TRIM71: variants seen among roughly 807,000 people sequenced by gnomAD.
TRIM71 encodes tripartite motif containing 71.
Under a neutral mutation model 61.2 loss-of-function variants are expected in TRIM71, and 9 were observed. The ratio of observed to expected loss-of-function variants is 0.15; its 90% CI spans 0.09 to 0.26. The LOEUF (loss-of-function observed/expected upper bound fraction) is 0.26. Ranked by LOEUF, TRIM71 falls within the 10% of genes least tolerant of loss-of-function variation. The probability of loss-of-function intolerance (pLI) is 1.00; values close to 1 mark genes in which losing one functional copy is unlikely to be tolerated. For synonymous variants in TRIM71, 645 were observed against 553.2 expected (o/e 1.17, Z -2.33); for missense variants, 998 against 1,238.7 (o/e 0.81, Z 2.92).
At chr3:32,852,758 T>TAA (rs1283517739) in intron 1 of TRIM71, among the ~76,000 whole-genome samples, 3 of 81,900 alleles carry the variant, frequency 3.7e-5, no homozygotes, top group East Asian at 8.7e-4. Context: ...ATACTGTCTT[T>TAA]TAAAAAAAAA....
chr3:32,831,752 G>A (rs529579312), intron 1 of TRIM71, among the ~76,000 whole-genome samples: 3 of 152,142 alleles, frequency 2.0e-5, no homozygotes, highest in African/African-American at 7.2e-5. Context: ...GGCCAGGCTG[G>A]TCTTGAACTC....
chr3:32,835,690 T>C (rs1235765300), intron 1 of TRIM71, among the ~76,000 whole-genome samples: 1 of 152,218 alleles, frequency 6.6e-6, no homozygotes, highest in Non-Finnish European at 1.5e-5. Flanking sequence ...GCTGGATGAA[T>C]AGAAAACTGA....
intron 1 of TRIM71, among the ~76,000 whole-genome samples, chr3:32,859,365 T>C (rs1696640501): frequency 6.6e-6 from 1 of 152,150 alleles, no homozygotes. Flanking sequence ...GTTCAAACGA[T>C]TCTCCTGCCT....
intron 1 of TRIM71, among the ~76,000 whole-genome samples, chr3:32,870,289 T>C (rs896033669): frequency 4.6e-5 from 7 of 152,130 alleles, no homozygotes; most frequent in Non-Finnish European, 8.8e-5. Flanking sequence ...CTTTTAAAAA[T>C]TCATTGTTTA....
chr3:32,847,693 G>A (rs1335870820), intron 1 of TRIM71, among the ~76,000 whole-genome samples: 1 of 152,212 alleles, frequency 6.6e-6, no homozygotes, highest in East Asian at 1.9e-4. Context: ...TCAGTTAAAT[G>A]CAGGCCTTTC....
At chr3:32,888,131 GAATT>G (rs1479734932) in intron 3 of TRIM71, among the ~76,000 whole-genome samples, 2 of 152,076 alleles carry the variant, frequency 1.3e-5, no homozygotes, top group African/African-American at 4.8e-5. Flanking sequence ...CCTCAAGCAG[GAATT>G]ATTTTGGCAG....
At chr3:32,879,586 G>A (rs998441005) in intron 2 of TRIM71, among the ~76,000 whole-genome samples, 3 of 151,596 alleles carry the variant, frequency 2.0e-5, no homozygotes, top group Non-Finnish European at 2.9e-5. Flanking sequence ...AATTATCAAA[G>A]TGTGACACAG....
chr3:32,875,882 T>C (rs1696847382), intron 2 of TRIM71, among the ~76,000 whole-genome samples: 1 of 152,152 alleles, frequency 6.6e-6, no homozygotes, highest in African/African-American at 2.4e-5. Context: ...TCATGCCTCT[T>C]AACAGAAGAG....
chr3:32,833,454 T>G (rs568212386), intron 1 of TRIM71, among the ~76,000 whole-genome samples: 64 of 152,040 alleles, frequency 4.2e-4, no homozygotes, highest in Admixed American at 1.1e-3. Flanking sequence ...GTGTCCTTAA[T>G]CTGCTTCTGA....
rs1352414801 is a variant in TRIM71 at position 32,893,410 on chromosome 3, A to G, written c.*1599A>G. 2 of 152,182 alleles carry G rather than the reference A, an allele frequency of 1.3e-5. No individual in the cohort carries two copies. The highest frequency in any genetic ancestry group is 2.9e-5 in the Non-Finnish European group (2 of 68,054). The allele number at this position is 152,182 out of a possible 1,614,324, so 9.4% of individuals were successfully genotyped here. Reference sequence around the variant, plus strand: ...GGGTACAAAACTTGTGCTTCTGGGCATTGTCTGTCTTTCAAGTGCAAAGCA... The same window carrying G: ...GGGTACAAAACTTGTGCTTCTGGGCGTTGTCTGTCTTTCAAGTGCAAAGCA... On this transcript the variant is annotated 3_prime_UTR_variant, in exon 4 of 4. Coordinates refer to ENST00000383763, the MANE Select transcript of TRIM71 (RefSeq NM_001039111.3).
intron 1 of TRIM71, among the ~76,000 whole-genome samples, chr3:32,835,831 G>A (rs1053857176): frequency 2.3e-4 from 17 of 74,276 alleles, no homozygotes; most frequent in African/African-American, 1.3e-3. Flanking sequence ...AATGTACCCC[G>A]TCCCACTTCT....
chr3:32,829,876 G>T (rs976027543), intron 1 of TRIM71, among the ~76,000 whole-genome samples: 1 of 149,020 alleles, frequency 6.7e-6, no homozygotes, highest in Non-Finnish European at 1.5e-5. Flanking sequence ...GTAGCTTTTT[G>T]AAATTAACCC....
intron 1 of TRIM71, among the ~76,000 whole-genome samples, chr3:32,836,027 T>G (rs1198789143): frequency 6.6e-6 from 1 of 152,258 alleles, no homozygotes. Context: ...CTGCTTCTGA[T>G]TGCCTCTTTT....
intron 1 of TRIM71, among the ~76,000 whole-genome samples, chr3:32,820,815 C>T (rs543042954): frequency 6.6e-6 from 1 of 152,178 alleles, no homozygotes; most frequent in Non-Finnish European, 1.5e-5. Context: ...GGGAGGTACT[C>T]GGAAGCTCTT....
chr3:32,863,176 G>A (rs547836717), intron 1 of TRIM71, among the ~76,000 whole-genome samples: 1 of 150,906 alleles, frequency 6.6e-6, no homozygotes, highest in African/African-American at 2.4e-5. Flanking sequence ...CTTTTGGGAG[G>A]GAGGAGTATT....
intron 1 of TRIM71, among the ~76,000 whole-genome samples, chr3:32,857,901 G>A (rs1696622992): frequency 6.6e-6 from 1 of 152,116 alleles, no homozygotes; most frequent in African/African-American, 2.4e-5. Flanking sequence ...AACCCAGGAG[G>A]CGGAGGCTGC....
At chr3:32,874,225 T>TAA (rs1299711804) in intron 2 of TRIM71, among the ~76,000 whole-genome samples, 1 of 152,024 alleles carries the variant, frequency 6.6e-6, no homozygotes, top group African/African-American at 2.4e-5. Context: ...GGCCCCAACA[T>TAA]ACCACCTGCA....
rs1183575140 is a variant in TRIM71, at chr3:32,890,390, T to C, written c.1186T>C (p.Ser396Pro). Reference protein sequence around the residue: ...VEKIRQVKAKSLYLQVEKLRQ... With the variant: ...VEKIRQVKAKPLYLQVEKLRQ... ...AAAGATCCGCCAGGTGAAAGCCAAG[T>C]CTCTGTACCTGCAGGTGGAGAAGCT... Residue 396 changes from serine (S) to proline (P), a missense_variant, in exon 4 of 4, where the codon TCT (serine) becomes CCT (proline). By Grantham distance (74) the Ser-to-Pro change is moderately conservative. Coordinates refer to ENST00000383763, the MANE Select transcript of TRIM71 (RefSeq NM_001039111.3). The surrounding 1 kb of genome is among the most constrained non-coding windows in gnomAD (Gnocchi z 6.2). The C allele has an allele frequency of 2.5e-6, 4 of 1,612,686 alleles. No homozygotes were observed. The highest frequency in any genetic ancestry group is 3.4e-6 in the Non-Finnish European group (4 of 1,178,766).
chr3:32,854,040 G>A (rs376357543), intron 1 of TRIM71, among the ~76,000 whole-genome samples: 6 of 152,012 alleles, frequency 3.9e-5, no homozygotes, highest in Non-Finnish European at 8.8e-5. Context: ...CTTGGTGTTG[G>A]CCCCTTTGGG....
Sources: gnomAD v4.1 joint callset for allele counts (sites outside exome capture counted in the v4.1 genomes callset) on GRCh38, gnomAD v4.1.1 for gene constraint, Gnocchi (gnomAD v3.1) non-coding constraint, MANE v1.5 for transcripts, NCBI Gene and HGNC (gene_info 2026-07-23, HGNC 2026-07-21) for gene names.